Variants in AUTS2 observed in about 807,000 individuals in gnomAD.
The protein encoded by AUTS2 is autism susceptibility gene 2 protein.
Under a neutral mutation model 112.4 loss-of-function variants are expected in AUTS2, and 17 were observed. The ratio of observed to expected loss-of-function variants is 0.15; its 90% CI spans 0.10 to 0.23. AUTS2 has a LOEUF of 0.23. Among genes scored for constraint, AUTS2 ranks in the 10% least tolerant of loss-of-function variants. AUTS2 has a pLI of 1.00. For missense variants in AUTS2, 1,510 were observed against 1,701.6 expected (o/e 0.89, Z 1.98); for synonymous variants, 751 against 702.7 (o/e 1.07, Z -1.09).
chr7:70,375,237 C>G (rs146663053), intron 4 of AUTS2, among the ~76,000 whole-genome samples: 8 of 152,238 alleles, frequency 5.3e-5, no homozygotes, highest in Middle Eastern at 6.8e-3. Flanking sequence ...ATCTCAAAAT[C>G]ACTTGGATAT....
chr7:69,699,940 T>TGTA (rs1289635340), intron 1 of AUTS2, among the ~76,000 whole-genome samples: 2 of 152,190 alleles, frequency 1.3e-5, no homozygotes, highest in Non-Finnish European at 2.9e-5. Flanking sequence ...GTGAATAATC[T>TGTA]TGATCATATG....
chr7:70,783,904 C>G (rs778972203), intron 15 of AUTS2: 3 of 152,198 alleles, frequency 2.0e-5, no homozygotes, highest in Non-Finnish European at 4.4e-5. Context: ...ATGTCCTTCC[C>G]TAATTCACAT....
intron 2 of AUTS2, among the ~76,000 whole-genome samples, chr7:70,032,084 G>T (rs1355833575): frequency 6.6e-6 from 1 of 151,834 alleles, no homozygotes; most frequent in African/African-American, 2.4e-5. Context: ...TCTCATAGTG[G>T]GTCATAAAAG....
At chr7:70,575,604 A>C (rs554783206) in intron 5 of AUTS2, among the ~76,000 whole-genome samples, 14 of 152,302 alleles carry the variant, frequency 9.2e-5, no homozygotes, top group African/African-American at 3.1e-4. Context: ...TGGCATTCAC[A>C]TGCATTCTTT....
chr7:70,763,362 T>C (rs376425897), intron 7 of AUTS2, 21 bp downstream of exon 7: 49 of 1,518,112 alleles, frequency 3.2e-5, no homozygotes, highest in Middle Eastern at 3.5e-4. Flanking sequence ...TGCTCTTCTT[T>C]GGCCTGACTT....
chr7:70,572,109 A>C (rs780717912), intron 5 of AUTS2, among the ~76,000 whole-genome samples: 13 of 152,172 alleles, frequency 8.5e-5, no homozygotes, highest in Non-Finnish European at 1.3e-4. Context: ...ATTGTTATGC[A>C]TTCGAGTTCC....
chr7:70,687,177 C>T (rs1484559054), intron 5 of AUTS2, among the ~76,000 whole-genome samples: 3 of 152,178 alleles, frequency 2.0e-5, no homozygotes, highest in African/African-American at 7.2e-5. Context: ...ATATGAAATG[C>T]AGGTCGCTAG....
chr7:69,633,449 T>C (rs1245489906), intron 1 of AUTS2, among the ~76,000 whole-genome samples: 2 of 152,178 alleles, frequency 1.3e-5, no homozygotes, highest in African/African-American at 4.8e-5. Flanking sequence ...TTCATTTCTT[T>C]TGGGTAAATG....
At chr7:70,021,043 C>T (rs994197978) in intron 2 of AUTS2, among the ~76,000 whole-genome samples, 4 of 151,860 alleles carry the variant, frequency 2.6e-5, no homozygotes, top group Non-Finnish European at 4.4e-5. Context: ...AGTGCAATGG[C>T]GTGATCTCAG....
intron 4 of AUTS2, among the ~76,000 whole-genome samples, chr7:70,235,361 C>G (rs1369668654): frequency 6.6e-6 from 1 of 151,908 alleles, no homozygotes; most frequent in African/African-American, 2.4e-5. Flanking sequence ...TGGTCTTGAA[C>G]TCCGGGCCTC....
Position 70,527,593 on chromosome 7 carries a change from T to C in AUTS2, c.690+91812T>C, listed in dbSNP as rs569962225. ...TGAAAAGAAATAAATTTCTCACTTG[T>C]CTCTACCCTATGCTACCTTTTCCTT... On this transcript the variant is annotated intron_variant, in intron 5 of 18. Coordinates refer to ENST00000342771, the MANE Select transcript of AUTS2 (RefSeq NM_015570.4). Among the ~76,000 whole-genome samples the C allele has an allele frequency of 5.9e-5, 9 of 152,168 alleles. No individual in the cohort carries two copies. In the East Asian group the frequency reaches 1.7e-3, roughly 30 times the overall value.
intron 1 of AUTS2, among the ~76,000 whole-genome samples, chr7:69,701,919 C>T (rs960554770): frequency 2.6e-5 from 4 of 152,110 alleles, no homozygotes; most frequent in African/African-American, 9.7e-5. Context: ...TGAAATAACC[C>T]GTACTAGCAA....
chr7:70,563,546 C>T (rs1373449538), intron 5 of AUTS2, among the ~76,000 whole-genome samples: 1 of 152,166 alleles, frequency 6.6e-6, no homozygotes, highest in South Asian at 2.1e-4. Flanking sequence ...CCAGTTTATA[C>T]TTTATTAAAA....
chr7:69,722,594 G>A (rs1454719947), intron 1 of AUTS2, among the ~76,000 whole-genome samples: 6 of 152,012 alleles, frequency 3.9e-5, no homozygotes, highest in Admixed American at 2.0e-4. Context: ...CCTTGTCCCC[G>A]CAAAGTGCTG....
At chr7:70,048,058 A>G (rs1388124166) in intron 2 of AUTS2, among the ~76,000 whole-genome samples, 1 of 152,220 alleles carries the variant, frequency 6.6e-6, no homozygotes, top group Admixed American at 6.5e-5. Context: ...AGCTGAAGGC[A>G]TGGGAGGTAG....
intron 1 of AUTS2, among the ~76,000 whole-genome samples, chr7:69,634,653 G>T (rs1360982332): frequency 6.6e-6 from 1 of 152,186 alleles, no homozygotes; most frequent in Non-Finnish European, 1.5e-5. Flanking sequence ...CCTGGGAGTG[G>T]TTACAGGAGG....
intron 4 of AUTS2, among the ~76,000 whole-genome samples, chr7:70,151,344 T>G (rs1807427761): frequency 6.6e-6 from 1 of 152,168 alleles, no homozygotes; most frequent in African/African-American, 2.4e-5. Flanking sequence ...ACAGTGCTGA[T>G]TCTCACCAGC....
At chr7:69,679,185 T>C (rs1276294926) in intron 1 of AUTS2, among the ~76,000 whole-genome samples, 1 of 152,256 alleles carries the variant, frequency 6.6e-6, no homozygotes, top group Non-Finnish European at 1.5e-5. Flanking sequence ...TTGGCATTCG[T>C]AGTTTCTCTT....
intron 6 of AUTS2, among the ~76,000 whole-genome samples, chr7:70,716,529 A>G (rs1233926880): frequency 6.7e-6 from 1 of 149,154 alleles, no homozygotes; most frequent in Non-Finnish European, 1.5e-5. Flanking sequence ...GCTACTCGGG[A>G]AGCTGAGGCA....
Sources: gnomAD v4.1 joint callset for allele counts (sites outside exome capture counted in the v4.1 genomes callset) on GRCh38, gnomAD v4.1.1 for gene constraint, MANE v1.5 for transcripts, NCBI Gene and HGNC (gene_info 2026-07-23, HGNC 2026-07-21) for gene names.